ARHGAP42: variants seen among roughly 807,000 people sequenced by gnomAD.
ARHGAP42 encodes the protein rho GTPase-activating protein 42.
A neutral mutation model predicts 125.0 loss-of-function variants in ARHGAP42; 63 were observed. The observed-to-expected ratio is 0.50, with a 90% CI of 0.41 to 0.62. The LOEUF (loss-of-function observed/expected upper bound fraction) is 0.62, where lower values mean the gene tolerates loss of function less well. Among genes scored for constraint, ARHGAP42 ranks in the 20% least tolerant of loss-of-function variants. The pLI is 0.00. For synonymous variants in ARHGAP42, 339 were observed against 351.0 expected, an observed-to-expected ratio of 0.97 and a Z score of 0.38; for missense variants, 766 against 1,024.2, an observed-to-expected ratio of 0.75 and a Z score of 3.44.
chr11:100,988,646 C>T, intron 23 of ARHGAP42, 67 bp from the exon 24 acceptor site: 2 of 1,317,886 alleles, frequency 1.5e-6, no homozygotes, highest in Non-Finnish European at 2.1e-6. Context: ...GGTGTTTAAC[C>T]CATCTGTTTA....
intron 2 of ARHGAP42, among the ~76,000 whole-genome samples, chr11:100,778,965 A>G (rs1863200197): frequency 6.6e-6 from 1 of 152,124 alleles, no homozygotes; most frequent in Admixed American, 6.6e-5. Context: ...ACTTGTAGCA[A>G]ATTATATGCT....
intron 1 of ARHGAP42, among the ~76,000 whole-genome samples, chr11:100,759,844 C>T (rs1033599543): frequency 3.9e-5 from 6 of 152,018 alleles, no homozygotes; most frequent in African/African-American, 1.4e-4. Context: ...TTCCTTCTCC[C>T]CAATTTTCAA....
chr11:100,980,559 CTTTTTTTT>C lies in ARHGAP42; in HGVS notation c.2456+1533_2456+1540del, dbSNP rs763302463. The stretch of plus-strand genomic sequence containing the variant: ...TCAAATCATACTTCTTTTTCTTCTT[CTTTTTTTT>C]TTTTTTTTTTTTTTTTTTTTTTGAG... On this transcript the variant is annotated intron_variant, in intron 22 of 23. Transcript: ENST00000298815. Among the ~76,000 whole-genome samples, 279 of 51,936 alleles carry C rather than the reference CTTTTTTTT, an allele frequency of 5.4e-3. 5 individuals are homozygous for C. The highest frequency in any genetic ancestry group is 0.029 in the East Asian group (34 of 1,166). The allele number at this position is 51,936 out of a possible 152,430, so 34.1% of individuals were successfully genotyped here. A position where few individuals can be genotyped will look rare whatever the true frequency, so the allele number is the denominator to read the frequency against.
chr11:100,823,442 T>C (rs1747712549), intron 3 of ARHGAP42, among the ~76,000 whole-genome samples: 2 of 152,102 alleles, frequency 1.3e-5, no homozygotes, highest in Admixed American at 6.6e-5. Context: ...GTAGAAATCA[T>C]GTGACATAGA....
chr11:100,811,656 C>G (rs561100412), intron 3 of ARHGAP42, among the ~76,000 whole-genome samples: 1 of 151,874 alleles, frequency 6.6e-6, no homozygotes, highest in Non-Finnish European at 1.5e-5. Flanking sequence ...TGCACCACCA[C>G]GCCTGGTTAA....
At chr11:100,950,072 C>T (rs1868135250) in intron 12 of ARHGAP42, 116 bp downstream of exon 12, 1 of 472,036 alleles carries the variant, frequency 2.1e-6, no homozygotes, top group Non-Finnish European at 3.4e-6. Flanking sequence ...TCTCATGGTA[C>T]AGCAACTTTG....
At chr11:100,788,433 G>A (rs955733002) in intron 2 of ARHGAP42, among the ~76,000 whole-genome samples, 1 of 152,170 alleles carries the variant, frequency 6.6e-6, no homozygotes, top group African/African-American at 2.4e-5. Flanking sequence ...AAGGATGTAT[G>A]CCTCCAAGTA....
chr11:100,825,433 G>T (rs917147418), intron 3 of ARHGAP42, among the ~76,000 whole-genome samples: 1 of 152,060 alleles, frequency 6.6e-6, no homozygotes, highest in African/African-American at 2.4e-5. Context: ...ACCTTTAATG[G>T]CATTAAATAA....
At chr11:100,908,893 G>A (rs1049134675) in intron 4 of ARHGAP42, among the ~76,000 whole-genome samples, 5 of 152,012 alleles carry the variant, frequency 3.3e-5, no homozygotes, top group African/African-American at 9.7e-5. Flanking sequence ...CTGCAGTCTC[G>A]CCAGCATCTG....
chr11:100,957,039 C>A (rs1228219613), intron 12 of ARHGAP42, among the ~76,000 whole-genome samples: 1 of 152,088 alleles, frequency 6.6e-6, no homozygotes, highest in Non-Finnish European at 1.5e-5. Context: ...AAAGCACTTA[C>A]TATATTCTAA....
chr11:100,735,359 T>C (rs1295770189), intron 1 of ARHGAP42, among the ~76,000 whole-genome samples: 2 of 152,152 alleles, frequency 1.3e-5, no homozygotes, highest in Non-Finnish European at 1.5e-5. Context: ...AGGCTTGCTT[T>C]GTGATGGAAG....
At chr11:100,789,967 A>G (rs1863527330) in intron 2 of ARHGAP42, among the ~76,000 whole-genome samples, 1 of 152,220 alleles carries the variant, frequency 6.6e-6, no homozygotes, top group Non-Finnish European at 1.5e-5. Context: ...ATGCTTTCCC[A>G]ATTCTCATCG....
At chr11:100,944,806 T>C (rs148060691) in intron 10 of ARHGAP42, among the ~76,000 whole-genome samples, 1 of 152,100 alleles carries the variant, frequency 6.6e-6, no homozygotes, top group East Asian at 1.9e-4. Flanking sequence ...AGTAATTTTT[T>C]TGCTGGTGAA....
intron 1 of ARHGAP42, among the ~76,000 whole-genome samples, chr11:100,751,888 T>C (rs1021267756): frequency 1.4e-5 from 2 of 145,236 alleles, no homozygotes; most frequent in African/African-American, 2.5e-5. Context: ...CAAGCAATTC[T>C]CCTGCCTCAC....
At chr11:100,766,291 A>C (rs959411458) in intron 1 of ARHGAP42, among the ~76,000 whole-genome samples, 1 of 152,052 alleles carries the variant, frequency 6.6e-6, no homozygotes, top group Admixed American at 6.6e-5. Context: ...CTTGCTCACC[A>C]ATAAGTGAAT....
At chr11:100,852,176 C>T (rs1276809208) in intron 3 of ARHGAP42, among the ~76,000 whole-genome samples, 1 of 152,066 alleles carries the variant, frequency 6.6e-6, no homozygotes, top group African/African-American at 2.4e-5. Flanking sequence ...CCCATTAATG[C>T]ACAACTACAA....
At chr11:100,749,123 C>CT (rs929443510) in intron 1 of ARHGAP42, among the ~76,000 whole-genome samples, 1 of 152,124 alleles carries the variant, frequency 6.6e-6, no homozygotes, top group Non-Finnish European at 1.5e-5. Context: ...TGGAGCTACT[C>CT]TTTCTTCCCC....
chr11:100,844,047 T>C (rs2135116874), intron 3 of ARHGAP42, among the ~76,000 whole-genome samples: 1 of 152,222 alleles, frequency 6.6e-6, no homozygotes, highest in African/African-American at 2.4e-5. Flanking sequence ...GATTTCAAAC[T>C]ATACAATAAG....
At chr11:100,908,029 G>C (rs778224893) in intron 4 of ARHGAP42, among the ~76,000 whole-genome samples, 1 of 152,110 alleles carries the variant, frequency 6.6e-6, no homozygotes, top group Non-Finnish European at 1.5e-5. Flanking sequence ...ATAATACTGA[G>C]ACTGTTGAAA....
Sources: allele counts gnomAD v4.1 joint callset (sites outside exome capture counted in the v4.1 genomes callset), GRCh38; gene constraint gnomAD v4.1.1; transcripts MANE v1.5; gene names NCBI Gene and HGNC (gene_info 2026-07-23, HGNC 2026-07-21).